Variants in RADX observed in about 807,000 individuals in gnomAD.
The protein encoded by RADX is RPA1 related single stranded DNA binding protein, X-linked, also known as RPA-related protein RADX.
In RADX, 36 loss-of-function variants were observed where a neutral mutation model predicts 61.6. That is an observed-to-expected ratio of 0.58 (90% CI 0.45 to 0.77). The LOEUF (loss-of-function observed/expected upper bound fraction) is 0.77. RADX is among the 30% of genes least tolerant of loss of function. The pLI, the probability that RADX is intolerant of heterozygous loss-of-function variation, is 0.00. For missense variants in RADX, 497 were observed against 651.1 expected, an observed-to-expected ratio of 0.76 and a Z score of 2.58; for synonymous variants, 272 against 237.9, an observed-to-expected ratio of 1.14 and a Z score of -1.32.
chrX:106,638,358 G>T (rs1927414420), intron 8 of RADX: 1 of 111,283 alleles, frequency 9.0e-6, no homozygotes, highest in African/African-American at 3.3e-5. Flanking sequence ...CGCCTCCCGG[G>T]TTCACGCCAT....
intron 3 of RADX, among the ~76,000 whole-genome samples, chrX:106,629,819 T>TA (rs995418505): frequency 1.4e-4 from 15 of 107,813 alleles, no homozygotes; most frequent in African/African-American, 3.4e-4. Flanking sequence ...GCATCATGTG[T>TA]AAAAAAAAAA....
intron 1 of RADX, among the ~76,000 whole-genome samples, chrX:106,619,019 C>A (rs914981559): frequency 9.1e-6 from 1 of 110,282 alleles, no homozygotes; most frequent in African/African-American, 3.3e-5. Flanking sequence ...TTATGTTTAC[C>A]ATATGCCACC....
rs900096239 is a variant in RADX, at chrX:106,663,169, G to A, written c.2269+864G>A. Among the ~76,000 whole-genome samples, 14 of 111,678 alleles carry A rather than the reference G, an allele frequency of 1.3e-4. 1 individual carries two copies. Among genetic ancestry groups the A allele is most frequent in the Admixed American group, 8.6e-4 (9 of 10,506 alleles). Reference sequence around the variant, plus strand: ...ATTTGTAGTACTGGACATCTTGGCCGGTTAGCTCAGTTGGTGAGAGCGTGG... The same window carrying A: ...ATTTGTAGTACTGGACATCTTGGCCAGTTAGCTCAGTTGGTGAGAGCGTGG... On this transcript the variant is annotated intron_variant, in intron 12 of 13. Coordinates refer to ENST00000372548, the MANE Select transcript of RADX (RefSeq NM_018015.6).
chrX:106,657,239 C>T (rs1927963184), intron 11 of RADX, among the ~76,000 whole-genome samples: 1 of 112,113 alleles, frequency 8.9e-6, no homozygotes, highest in South Asian at 3.7e-4. Context: ...TTTTCTTCTC[C>T]AGCTTCCTCA....
At chrX:106,661,031 T>G (rs933963782) in intron 11 of RADX, among the ~76,000 whole-genome samples, 3 of 111,154 alleles carry the variant, frequency 2.7e-5, no homozygotes, top group South Asian at 7.7e-4. Flanking sequence ...TCGTGGGAAC[T>G]ATCTCATTTT....
In RADX at chrX:106,678,400, TTG is replaced by T. The variant is rs1296168380; in HGVS notation, c.*146_*147del. 2.4e-6 allele frequency: 1 copy of T among 414,159 alleles called. No homozygotes were observed. Among genetic ancestry groups the T allele is most frequent in the Non-Finnish European group, 4.0e-6 (1 of 248,956 alleles). 34.1% of individuals were successfully genotyped at this position (414,159 alleles called of 1,213,427 possible). On this transcript the variant is annotated 3_prime_UTR_variant, in exon 14 of 14. Coordinates refer to ENST00000372548, the MANE Select transcript of RADX (RefSeq NM_018015.6). ...GTTATTAAGCAGTTTTATGTTCGTT[TTG>T]TGTTTAGGGAGCTTTTTAAAACACT...
intron 9 of RADX, 159 bp from the exon 10 acceptor site, chrX:106,640,393 G>A: frequency 2.7e-6 from 1 of 364,747 alleles, no homozygotes; most frequent in South Asian, 9.6e-5. Flanking sequence ...TTTAATAGCA[G>A]ATGGATTAGA....
chrX:106,632,245 A>G (rs1927253310), intron 3 of RADX, among the ~76,000 whole-genome samples: 1 of 112,213 alleles, frequency 8.9e-6, no homozygotes, highest in South Asian at 3.7e-4. Context: ...AAACTGCTAC[A>G]TGCAGCTACA....
chrX:106,634,057 G>T (rs1164460498), intron 6 of RADX, among the ~76,000 whole-genome samples: 1 of 111,320 alleles, frequency 9.0e-6, no homozygotes, highest in Non-Finnish European at 1.9e-5. Context: ...TGTGTTAAAT[G>T]CTTGGCCAAC....
intron 11 of RADX, among the ~76,000 whole-genome samples, chrX:106,659,802 A>AC (rs1928044518): frequency 9.0e-6 from 1 of 111,680 alleles, no homozygotes; most frequent in Non-Finnish European, 1.9e-5. Context: ...AAAATAAAAA[A>AC]ATAAAGCATG....
In RADX at chrX:106,625,254, T is replaced by C; in HGVS notation, c.951T>C (p.Asp317=). 1 of 1,182,284 alleles carries C rather than the reference T, an allele frequency of 8.5e-7. No homozygotes were observed. Among genetic ancestry groups the C allele is most frequent in the Non-Finnish European group, 1.1e-6 (1 of 880,319 alleles). ...TCAGAATACAGCCTGTCCCCGTGGA[T>C]CCACAGATCAAACTAATTTCTACAA... ...YPFRIQPVPV[D]PQIKLISTME... is the part of the protein sequence containing the mutation. The change falls in exon 3 of 14, where the codon GAT becomes GAC. Residue 317 remains aspartate, a synonymous_variant. Transcript: ENST00000372548.
intron 12 of RADX, among the ~76,000 whole-genome samples, chrX:106,667,163 A>G (rs1928248355): frequency 1.8e-5 from 2 of 111,625 alleles, no homozygotes; most frequent in African/African-American, 6.5e-5. Flanking sequence ...TTTAAATAGC[A>G]GAGGTCTCCT....
At chrX:106,616,092 G>A (rs187624881) in intron 1 of RADX, among the ~76,000 whole-genome samples, 2 of 111,226 alleles carry the variant, frequency 1.8e-5, no homozygotes, top group East Asian at 5.6e-4. Flanking sequence ...CCTGGATTGG[G>A]GGTTGTGGGG....
At position 106,612,011 on chromosome X, in the gene RADX, T is replaced by C; in HGVS notation, c.-70T>C. 8.9e-7 allele frequency: 1 copy of C among 1,119,661 alleles called. No individual in the cohort carries two copies. 92.3% of individuals were successfully genotyped at this position (1,119,661 alleles called of 1,213,427 possible). On this transcript the variant is annotated 5_prime_UTR_variant, in exon 1 of 14. Transcript: ENST00000372548. ...AGCGATCGTCGCCAAAGCGCGCGGT[T>C]TTATTTCTCTCCGCTTTGGACGGGG...
At chrX:106,647,186 C>T (rs1217688820) in intron 10 of RADX, among the ~76,000 whole-genome samples, 2 of 110,928 alleles carry the variant, frequency 1.8e-5, no homozygotes, top group Non-Finnish European at 3.8e-5. Flanking sequence ...CTCTCTATCT[C>T]CATGTGTTCA....
At chrX:106,626,465 A>G (rs1927077030) in intron 3 of RADX, among the ~76,000 whole-genome samples, 2 of 111,862 alleles carry the variant, frequency 1.8e-5, no homozygotes, top group Admixed American at 1.9e-4. Context: ...AGTTTTTGCT[A>G]TAGAAAGGTG....
intron 1 of RADX, among the ~76,000 whole-genome samples, chrX:106,614,107 G>A (rs1205171092): frequency 9.0e-6 from 1 of 111,275 alleles, no homozygotes; most frequent in Non-Finnish European, 1.9e-5. Flanking sequence ...TAGGAAGTGG[G>A]CATATTGATG....
In RADX at chrX:106,641,869, T is replaced by C. The variant is rs1255446366; in HGVS notation, c.1904+1148T>C. ...ATAGCTTACATTTGCTTACCAGTTGTTTAAGCATGGGTCTTTACTACAAAA... is the reference window on the plus strand; with the variant it reads ...ATAGCTTACATTTGCTTACCAGTTGCTTAAGCATGGGTCTTTACTACAAAA... On this transcript the variant is annotated intron_variant, in intron 10 of 13. Coordinates refer to ENST00000372548, the MANE Select transcript of RADX (RefSeq NM_018015.6). 2.7e-5 allele frequency among the ~76,000 whole-genome samples: 3 copies of C among 111,791 alleles called. No individual in the cohort carries two copies. In the Admixed American group the frequency reaches 2.9e-4, roughly 11 times the overall value.
At chrX:106,613,038 A>G (rs191990688) in intron 1 of RADX, among the ~76,000 whole-genome samples, 2 of 112,215 alleles carry the variant, frequency 1.8e-5, no homozygotes, top group East Asian at 2.8e-4. Flanking sequence ...CGTTCGTTAC[A>G]TGTTTGATTG....
Sources: allele counts gnomAD v4.1 joint callset (sites outside exome capture counted in the v4.1 genomes callset), GRCh38; gene constraint gnomAD v4.1.1; transcripts MANE v1.5; gene names NCBI Gene and HGNC (gene_info 2026-07-23, HGNC 2026-07-21).